Variants in SLC27A6 observed in about 807,000 individuals in gnomAD.
The protein encoded by SLC27A6 is long-chain fatty acid transport protein 6.
SLC27A6 carries 74 observed loss-of-function variants against 63.9 expected under a neutral mutation model. The observed-to-expected ratio is 1.16, with a 90% CI of 0.96 to 1.40. SLC27A6 has a LOEUF of 1.40. Among genes scored for constraint, SLC27A6 ranks in the 40% most tolerant of loss-of-function variants. The pLI, the probability that SLC27A6 is intolerant of heterozygous loss-of-function variation, is 0.00. For synonymous variants in SLC27A6, 287 were observed against 260.8 expected, an observed-to-expected ratio of 1.10 and a Z score of -0.97; for missense variants, 794 against 732.9, an observed-to-expected ratio of 1.08 and a Z score of -0.96.
In SLC27A6 at chr5:128,985,258, G is replaced by C; in HGVS notation, c.607G>C (p.Glu203Gln). Residue 203 changes from glutamate (E) to glutamine (Q), a missense_variant, in exon 2 of 10, where the codon GAG (glutamate) becomes CAG (glutamine). Transcript: ENST00000262462. ...AGAAAAACTGAGCACCTCACCTGAT[G>C]AGCCCGTGCCACGCAGCCACCATGT... ...LKEKLSTSPDEPVPRSHHVVS... is the reference protein window; with the variant it reads ...LKEKLSTSPDQPVPRSHHVVS... 10 of 1,614,080 alleles carry C rather than the reference G, an allele frequency of 6.2e-6. No individual in the cohort carries two copies. The highest frequency in any genetic ancestry group is 8.5e-6 in the Non-Finnish European group (10 of 1,179,996).
At chr5:129,013,248 C>T (rs1300187631) in intron 4 of SLC27A6, among the ~76,000 whole-genome samples, 1 of 151,890 alleles carries the variant, frequency 6.6e-6, no homozygotes, top group Non-Finnish European at 1.5e-5. Flanking sequence ...TGGTCCTCTT[C>T]ATTCCTTCCT....
rs1561634484 is a variant in SLC27A6, at chr5:129,028,338, CA to C, written c.1455-6del. The C allele has an allele frequency of 1.9e-6, 3 of 1,590,934 alleles. No individual in the cohort carries two copies. ...GCACTAACTGGAATTTGATTTTTTT[CA>C]TTTAGATGGAAAGGAGAAAATGTCG... On this transcript the variant is annotated splice_region_variant and splice_polypyrimidine_tract_variant and intron_variant, in intron 7 of 9. Coordinates refer to ENST00000262462, the MANE Select transcript of SLC27A6 (RefSeq NM_001017372.3).
chr5:128,994,929 A>C (rs1342372555), intron 4 of SLC27A6, among the ~76,000 whole-genome samples: 1 of 152,164 alleles, frequency 6.6e-6, no homozygotes, highest in East Asian at 1.9e-4. Flanking sequence ...TTTTGGCATA[A>C]ACGTTAGATG....
At chr5:129,018,505 A>G (rs181549709) in intron 5 of SLC27A6, among the ~76,000 whole-genome samples, 1 of 152,244 alleles carries the variant, frequency 6.6e-6, no homozygotes, top group Non-Finnish European at 1.5e-5. Flanking sequence ...CTTTGAGGGT[A>G]TAGTTGACAT....
chr5:129,016,135 G>A, intron 5 of SLC27A6, 56 bp downstream of exon 5: 2 of 1,309,138 alleles, frequency 1.5e-6, no homozygotes, highest in South Asian at 1.5e-5. Context: ...GCTCATACCT[G>A]TAATCCCAAC....
chr5:129,001,544 T>C (rs1470945552), intron 4 of SLC27A6, among the ~76,000 whole-genome samples: 2 of 152,328 alleles, frequency 1.3e-5, no homozygotes, highest in African/African-American at 2.4e-5. Context: ...CCCTAACATA[T>C]GTTTATATTT....
chr5:128,978,962 C>T (rs1373713705), intron 1 of SLC27A6, among the ~76,000 whole-genome samples: 2 of 151,898 alleles, frequency 1.3e-5, no homozygotes, highest in Non-Finnish European at 2.9e-5. Context: ...GGTTTGTAGC[C>T]TAGGAGCGAT....
intron 4 of SLC27A6, among the ~76,000 whole-genome samples, chr5:129,002,094 T>C (rs1751355656): frequency 6.6e-6 from 1 of 152,172 alleles, no homozygotes; most frequent in Non-Finnish European, 1.5e-5. Flanking sequence ...TAGAGGGAAA[T>C]ATCTATTGAA....
intron 5 of SLC27A6, 33 bp from the exon 6 acceptor site, chr5:129,023,587 T>A: frequency 6.8e-7 from 1 of 1,477,914 alleles, no homozygotes. Flanking sequence ...AACTAAATGC[T>A]TGTTTCTATT....
chr5:129,001,151 C>A (rs1580726664), intron 4 of SLC27A6, among the ~76,000 whole-genome samples: 1 of 152,188 alleles, frequency 6.6e-6, no homozygotes, highest in African/African-American at 2.4e-5. Context: ...TCAGGGGCAG[C>A]TGGAACCTGT....
At position 129,028,363 on chromosome 5, in the gene SLC27A6, C is replaced by A; in HGVS notation, c.1473C>A (p.Val491=). ...CATTTAGATGGAAAGGAGAAAATGT[C>A]GCAACCACTGAGGTTGCTGATGTTA... ...GDTFRWKGEN[V]ATTEVADVIG... The change falls in exon 8 of 10, where the codon GTC becomes GTA. Residue 491 remains valine, a synonymous_variant. Transcript: ENST00000262462. The A allele has an allele frequency of 6.2e-7, 1 of 1,608,146 alleles. No homozygotes were observed. The highest frequency in any genetic ancestry group is 1.1e-5 in the South Asian group (1 of 90,720).
chr5:128,966,037 T>C lies in SLC27A6; in HGVS notation c.-101T>C. The C allele has an allele frequency of 7.2e-7, 1 of 1,396,146 alleles. No individual in the cohort carries two copies. Among genetic ancestry groups the C allele is most frequent in the Non-Finnish European group, 9.6e-7 (1 of 1,046,060 alleles). 86.5% of individuals were successfully genotyped at this position (1,396,146 alleles called of 1,614,324 possible). A position where few individuals can be genotyped will look rare whatever the true frequency, so the allele number is the denominator to read the frequency against. On this transcript the variant is annotated 5_prime_UTR_variant, in exon 1 of 10. Transcript: ENST00000262462. The stretch of plus-strand genomic sequence containing the variant: ...TGACAAGAACTTCAGGTGTAAGCCC[T>C]GAGTAGTGAGGATCTGCGGTCTCCG...
intron 4 of SLC27A6, among the ~76,000 whole-genome samples, chr5:128,999,589 G>C (rs1229424111): frequency 6.6e-6 from 1 of 152,016 alleles, no homozygotes; most frequent in African/African-American, 2.4e-5. Flanking sequence ...TTAGAAATCT[G>C]ACATCTTACC....
chr5:128,978,602 C>A (rs191420061), intron 1 of SLC27A6, among the ~76,000 whole-genome samples: 1 of 152,146 alleles, frequency 6.6e-6, no homozygotes, highest in Non-Finnish European at 1.5e-5. Flanking sequence ...TGCACATTAT[C>A]TGGCGTGGCC....
At chr5:128,971,457 A>T (rs1279058268) in intron 1 of SLC27A6, among the ~76,000 whole-genome samples, 6 of 151,922 alleles carry the variant, frequency 3.9e-5, no homozygotes, top group Admixed American at 3.3e-4. Context: ...TTGGGTGCAT[A>T]TATATTCAGG....
At chr5:129,030,384 A>G (rs1752379925) in intron 9 of SLC27A6, among the ~76,000 whole-genome samples, 1 of 152,126 alleles carries the variant, frequency 6.6e-6, no homozygotes, top group Non-Finnish European at 1.5e-5. Context: ...CCAACCACAC[A>G]GATTTTTTTT....
At chr5:128,970,541 T>G (rs1368068350) in intron 1 of SLC27A6, among the ~76,000 whole-genome samples, 3 of 152,220 alleles carry the variant, frequency 2.0e-5, no homozygotes, top group Non-Finnish European at 4.4e-5. Flanking sequence ...CTAGTTTATT[T>G]GCGTAGAGGT....
At chr5:129,002,880 ACCTGGCAGCCCAC>A (rs1219430433) in intron 4 of SLC27A6, among the ~76,000 whole-genome samples, 1 of 152,180 alleles carries the variant, frequency 6.6e-6, no homozygotes, top group Non-Finnish European at 1.5e-5. Flanking sequence ...GTTTCGCCTG[ACCTGGCAGCCCAC>A]ATGGGTTTTG....
chr5:129,006,263 TG>T (rs1393419101), intron 4 of SLC27A6, among the ~76,000 whole-genome samples: 1 of 150,554 alleles, frequency 6.6e-6, no homozygotes, highest in African/African-American at 2.4e-5. Context: ...CCTAATTTTT[TG>T]TATTTTTAGT....
Sources: gnomAD v4.1 joint callset for allele counts (sites outside exome capture counted in the v4.1 genomes callset) on GRCh38, gnomAD v4.1.1 for gene constraint, MANE v1.5 for transcripts, NCBI Gene and HGNC (gene_info 2026-07-23, HGNC 2026-07-21) for gene names.